The following GRM5 variants were observed in gnomAD, a reference collection of about 807,000 sequenced individuals.
GRM5 encodes the protein metabotropic glutamate receptor 5.
In GRM5, 19 loss-of-function variants were observed where a neutral mutation model predicts 83.1. The observed-to-expected ratio is 0.23, with a 90% CI of 0.16 to 0.34. The LOEUF is 0.34. Among genes scored for constraint, GRM5 ranks in the 10% least tolerant of loss-of-function variants. The pLI is 1.00. For synonymous variants in GRM5, 675 were observed against 633.6 expected (o/e 1.07, Z -0.98); for missense variants, 1,160 against 1,588.3 (o/e 0.73, Z 4.58).
Position 88,940,315 on chromosome 11 carries a change from G to GTT in GRM5, c.662-90162_662-90161dup, listed in dbSNP as rs1005215672. ...AGTGTGATCTCATCCCAGGTTCATGGTTTTTTTTTTTTTTGGAAGACCTTT... is the reference window on the plus strand; with the variant it reads ...AGTGTGATCTCATCCCAGGTTCATGGTTTTTTTTTTTTTTTTGGAAGACCTTT... On this transcript the variant is annotated intron_variant, in intron 2 of 9. Coordinates refer to ENST00000305447, the MANE Select transcript of GRM5 (RefSeq NM_001143831.3). 6.4e-3 allele frequency among the ~76,000 whole-genome samples: 848 copies of GTT among 131,676 alleles called. 7 individuals carry two copies. The highest frequency in any genetic ancestry group is 0.022 in the African/African-American group (792 of 36,432). 86.4% of individuals were successfully genotyped at this position (131,676 alleles called of 152,430 possible).
chr11:88,971,498 A>G (rs1939163207), intron 2 of GRM5, among the ~76,000 whole-genome samples: 1 of 152,000 alleles, frequency 6.6e-6, no homozygotes, highest in Admixed American at 6.6e-5. Flanking sequence ...TGTACTTAAT[A>G]TTTAGCCCCC....
intron 2 of GRM5, among the ~76,000 whole-genome samples, chr11:88,903,254 G>A (rs144388690): frequency 0.019 from 2,944 of 152,220 alleles, 46 homozygotes; most frequent in East Asian, 0.066. Context: ...GGATGTTTAA[G>A]AGGGAGAATG....
chr11:88,567,942 T>C lies in GRM5; in HGVS notation c.1741A>G (p.Ile581Val). The C allele has an allele frequency of 6.2e-7, 1 of 1,613,988 alleles. No individual in the cohort carries two copies. Among genetic ancestry groups the C allele is most frequent in the Non-Finnish European group, 8.5e-7 (1 of 1,179,942 alleles). ...QYLRWGDPEP[I>V]AAVVFACLGL... ...AGGCAGGCAAACACCACAGCTGCAATGGGTTCAGGGTCACCCCATCGAAGA... is the reference window on the plus strand; with the variant it reads ...AGGCAGGCAAACACCACAGCTGCAACGGGTTCAGGGTCACCCCATCGAAGA... The change falls in exon 8 of 10, where the codon ATT becomes GTT. Residue 581 changes from isoleucine to valine, a missense_variant. Ile to Val is a conservative substitution (Grantham distance 29). This residue lies in a region of GRM5 where 132 missense variants were observed against 245.5 expected (regional missense o/e 0.54). Transcript: ENST00000305447. This position sits in a 1 kb window ranked among gnomAD's most constrained non-coding sequence, Gnocchi z 7.3.
intron 3 of GRM5, among the ~76,000 whole-genome samples, chr11:88,664,873 A>AT (rs148676012): frequency 1.1e-4 from 16 of 152,306 alleles, no homozygotes; most frequent in African/African-American, 3.8e-4. Context: ...GCAACCACGA[A>AT]TTTTAGAATC....
At chr11:88,992,279 C>T (rs1591028424) in intron 2 of GRM5, among the ~76,000 whole-genome samples, 1 of 152,062 alleles carries the variant, frequency 6.6e-6, no homozygotes, top group Non-Finnish European at 1.5e-5. Flanking sequence ...CTCATCATCA[C>T]TGGCCATCAG....
At chr11:88,703,277 C>G (rs1419212172) in intron 3 of GRM5, among the ~76,000 whole-genome samples, 1 of 152,050 alleles carries the variant, frequency 6.6e-6, no homozygotes, top group African/African-American at 2.4e-5. Context: ...AAGAATAATT[C>G]TCTTTTCAAT....
intron 3 of GRM5, among the ~76,000 whole-genome samples, chr11:88,726,111 A>C (rs1268294288): frequency 1.3e-5 from 2 of 152,190 alleles, no homozygotes; most frequent in Non-Finnish European, 2.9e-5. Context: ...AGCATGTTCT[A>C]ACCCAATGTA....
At chr11:88,606,655 T>C (rs1001687077) in intron 4 of GRM5, among the ~76,000 whole-genome samples, 1 of 152,222 alleles carries the variant, frequency 6.6e-6, no homozygotes, top group South Asian at 2.1e-4. Context: ...GGCTACATTG[T>C]GGAGAAAGGT....
intron 3 of GRM5, among the ~76,000 whole-genome samples, chr11:88,716,681 C>A (rs930300047): frequency 1.3e-5 from 2 of 151,896 alleles, no homozygotes; most frequent in Non-Finnish European, 2.9e-5. Context: ...CCATTTAATG[C>A]TTAAATTTAC....
chr11:88,962,476 T>G (rs2134987382), intron 2 of GRM5, among the ~76,000 whole-genome samples: 1 of 152,340 alleles, frequency 6.6e-6, no homozygotes, highest in African/African-American at 2.4e-5. Context: ...ATTTATTCCC[T>G]AACATATCTG....
intron 3 of GRM5, among the ~76,000 whole-genome samples, chr11:88,704,127 A>G (rs1941098578): frequency 6.6e-6 from 1 of 151,984 alleles, no homozygotes; most frequent in Non-Finnish European, 1.5e-5. Flanking sequence ...TTCTCTTTCT[A>G]TAAGGGCATT....
chr11:88,513,027 C>A (rs540323799), intron 9 of GRM5, among the ~76,000 whole-genome samples: 18 of 152,308 alleles, frequency 1.2e-4, no homozygotes, highest in African/African-American at 4.1e-4. Context: ...TCCAAATTAA[C>A]CTTTTTCCTC....
intron 2 of GRM5, among the ~76,000 whole-genome samples, chr11:88,879,898 T>C (rs550492700): frequency 3.4e-4 from 51 of 152,136 alleles, no homozygotes; most frequent in African/African-American, 1.0e-3. Flanking sequence ...TCCATTAGGA[T>C]GGAAGGTGGG....
At chr11:88,980,870 T>C (rs906502911) in intron 2 of GRM5, among the ~76,000 whole-genome samples, 1 of 152,086 alleles carries the variant, frequency 6.6e-6, no homozygotes, top group African/African-American at 2.4e-5. Context: ...TGACCTGTAG[T>C]AGTTCAGTTA....
At chr11:88,596,071 C>G (rs1345956541) in intron 6 of GRM5, among the ~76,000 whole-genome samples, 1 of 152,108 alleles carries the variant, frequency 6.6e-6, no homozygotes, top group African/African-American at 2.4e-5. Flanking sequence ...ACAAACTAAC[C>G]AATCGCTTTT....
At chr11:88,644,620 T>C (rs1939390542) in intron 4 of GRM5, among the ~76,000 whole-genome samples, 1 of 152,164 alleles carries the variant, frequency 6.6e-6, no homozygotes. Flanking sequence ...TAAACTACTT[T>C]CTGTGTGGCA....
At chr11:88,583,865 C>A (rs1460288818) in intron 7 of GRM5, among the ~76,000 whole-genome samples, 2 of 152,112 alleles carry the variant, frequency 1.3e-5, no homozygotes, top group Non-Finnish European at 2.9e-5. Flanking sequence ...TCTCTCAAAC[C>A]AGACTACATT....
chr11:88,964,790 C>A (rs1034407628), intron 2 of GRM5, among the ~76,000 whole-genome samples: 2 of 151,784 alleles, frequency 1.3e-5, no homozygotes, highest in African/African-American at 4.9e-5. Flanking sequence ...GGAATTATAT[C>A]CATTCTCAGC....
Position 88,592,593 on chromosome 11 carries a change from T to C in GRM5, c.1564-1866A>G, listed in dbSNP as rs187417517. ...TTCATTGGTTTGTGAATTTCAGGTG[T>C]TTATTAAAATAAATTCATGCCCTTT... On this transcript the variant is annotated intron_variant, in intron 6 of 9. Transcript: ENST00000305447. 2.6e-5 allele frequency among the ~76,000 whole-genome samples: 4 copies of C among 152,322 alleles called. No individual in the cohort carries two copies. The East Asian group carries it at 7.7e-4, about 29-fold the overall frequency.
Sources: gnomAD v4.1 joint callset for allele counts (sites outside exome capture counted in the v4.1 genomes callset) on GRCh38, gnomAD v4.1.1 for gene constraint, gnomAD v4.1.1 regional missense constraint, Gnocchi (gnomAD v3.1) non-coding constraint, MANE v1.5 for transcripts, NCBI Gene and HGNC (gene_info 2026-07-23, HGNC 2026-07-21) for gene names.